Variants in ATXN2 observed in about 807,000 individuals in gnomAD.
ATXN2 encodes ataxin-2.
Under a neutral mutation model 138.6 loss-of-function variants are expected in ATXN2, and 37 were observed. The ratio of observed to expected loss-of-function variants is 0.27; its 90% CI spans 0.21 to 0.35. ATXN2 has a LOEUF of 0.35. Ranked by LOEUF, ATXN2 falls within the 10% of genes least tolerant of loss-of-function variation. The pLI is 1.00. For synonymous variants in ATXN2, 549 were observed against 543.7 expected, an observed-to-expected ratio of 1.01 and a Z score of -0.13; for missense variants, 1,216 against 1,480.3, an observed-to-expected ratio of 0.82 and a Z score of 2.93.
At chr12:111,589,890 G>A (rs750089137) in intron 1 of ATXN2, among the ~76,000 whole-genome samples, 4 of 151,910 alleles carry the variant, frequency 2.6e-5, no homozygotes, top group African/African-American at 9.7e-5. Context: ...CTGCACTCCC[G>A]CCTGGGTGAC....
intron 5 of ATXN2, among the ~76,000 whole-genome samples, chr12:111,534,808 A>AG (rs1367144318): frequency 2.6e-5 from 4 of 152,058 alleles, no homozygotes; most frequent in Non-Finnish European, 5.9e-5. Context: ...ATCTCATCAG[A>AG]GGGAAAAAAA....
intron 1 of ATXN2, among the ~76,000 whole-genome samples, chr12:111,588,490 T>C (rs981825371): frequency 6.6e-6 from 1 of 151,592 alleles, no homozygotes; most frequent in Non-Finnish European, 1.5e-5. Context: ...GGCGAGATGG[T>C]GCGTGCCTGC....
chr12:111,552,403 C>T lies in ATXN2; in HGVS notation c.448G>A (p.Glu150Lys), dbSNP rs1158737026. ...CCCGAACTGGATTCTGTACTTTTCT[C>T]ATGTGCGGCATCAAGTACCAAATCA... is the stretch of plus-strand genomic sequence containing the variant. ...KCDLVLDAAH[E>K]KSTESSSGPK... Residue 150 changes from glutamate (E) to lysine (K), a missense_variant, in exon 5 of 25, where the codon GAG (glutamate) becomes AAG (lysine). By Grantham distance (56) the Glu-to-Lys change is moderately conservative. Around this residue, in one of 4 missense-constraint regions of ATXN2, gnomAD observed 401 missense variants for 528.1 expected, o/e 0.76. Coordinates refer to ENST00000673436, the MANE Select transcript of ATXN2 (RefSeq NM_001372574.1). The surrounding 1 kb of genome is among the most constrained non-coding windows in gnomAD (Gnocchi z 4.1). The T allele has an allele frequency of 1.2e-6, 2 of 1,612,336 alleles. No individual in the cohort carries two copies. The highest frequency in any genetic ancestry group is 1.3e-5 in the African/African-American group (1 of 74,878).
At chr12:111,482,482 C>G (rs117476126) in intron 18 of ATXN2, among the ~76,000 whole-genome samples, 1 of 152,000 alleles carries the variant, frequency 6.6e-6, no homozygotes, top group Non-Finnish European at 1.5e-5. Flanking sequence ...CGTGAGCCAC[C>G]GTGCCCAGAC....
At chr12:111,492,490 T>C (rs965024374) in intron 14 of ATXN2, among the ~76,000 whole-genome samples, 2 of 152,170 alleles carry the variant, frequency 1.3e-5, no homozygotes, top group African/African-American at 4.8e-5. Flanking sequence ...GAGACCAGCC[T>C]GACCAACATG....
At chr12:111,576,085 A>AAATAACATAACATAACATAAC (rs1335091980) in intron 1 of ATXN2, among the ~76,000 whole-genome samples, 1 of 123,390 alleles carries the variant, frequency 8.1e-6, no homozygotes, top group African/African-American at 3.3e-5. Flanking sequence ...TCTGTCTTAA[A>AAATAACATAACATAACATAAC]ATAACATAAC....
chr12:111,553,032 G>A (rs1882200861), intron 3 of ATXN2, 55 bp from the exon 4 acceptor site: 2 of 1,194,810 alleles, frequency 1.7e-6, no homozygotes, highest in Non-Finnish European at 2.3e-6. Flanking sequence ...GGTCACCAGG[G>A]ATATTTGTTT....
chr12:111,521,222 C>T (rs1163005570), intron 6 of ATXN2, among the ~76,000 whole-genome samples: 1 of 152,194 alleles, frequency 6.6e-6, no homozygotes, highest in African/African-American at 2.4e-5. Context: ...TTAATTACTT[C>T]ATAAAATAGC....
rs972163811 is a variant in ATXN2, at chr12:111,520,186, AGAAACT to A, written c.789-116_789-111del. The stretch of plus-strand genomic sequence containing the variant: ...TAGAGTTTAGAATACTGGTAAAAAC[AGAAACT>A]AAAACTAAAACTAAAACTAAAAGTT... On this transcript the variant is annotated intron_variant, in intron 7 of 24. Transcript: ENST00000673436. 12 of 1,342,734 alleles carry A rather than the reference AGAAACT, an allele frequency of 8.9e-6. No homozygotes were observed. The African/African-American group carries it at 1.8e-4, about 20-fold the overall frequency. 83.2% of individuals were successfully genotyped at this position (1,342,734 alleles called of 1,614,324 possible).
intron 14 of ATXN2, among the ~76,000 whole-genome samples, chr12:111,507,565 C>T (rs1314776894): frequency 2.0e-5 from 3 of 150,496 alleles, no homozygotes; most frequent in South Asian, 2.1e-4. Flanking sequence ...CCCAGCCAGC[C>T]GCCCCGTCCG....
At chr12:111,461,592 AAGTGAC>A (rs1375906291) in intron 21 of ATXN2, among the ~76,000 whole-genome samples, 1 of 152,134 alleles carries the variant, frequency 6.6e-6, no homozygotes, top group African/African-American at 2.4e-5. Flanking sequence ...TAGGCCAGTT[AAGTGAC>A]AGTGACACAA....
At chr12:111,492,590 G>C (rs1010071145) in intron 14 of ATXN2, among the ~76,000 whole-genome samples, 1 of 152,072 alleles carries the variant, frequency 6.6e-6, no homozygotes, top group African/African-American at 2.4e-5. Flanking sequence ...GCTGAGGCAG[G>C]AGAATTGCTT....
At chr12:111,566,160 C>T (rs1191881458) in intron 1 of ATXN2, among the ~76,000 whole-genome samples, 1 of 152,074 alleles carries the variant, frequency 6.6e-6, no homozygotes, top group Non-Finnish European at 1.5e-5. Flanking sequence ...CGGCCGGGCG[C>T]GGTGGCTCAC....
chr12:111,580,998 T>C (rs907979439), intron 1 of ATXN2, among the ~76,000 whole-genome samples: 3 of 151,300 alleles, frequency 2.0e-5, no homozygotes, highest in African/African-American at 7.3e-5. Context: ...CCTAGCCGGC[T>C]GTGGTGGCAG....
intron 21 of ATXN2, among the ~76,000 whole-genome samples, chr12:111,459,664 T>A (rs1333644596): frequency 1.3e-5 from 2 of 152,136 alleles, no homozygotes; most frequent in Non-Finnish European, 2.9e-5. Context: ...GGTCTCGAAC[T>A]ACTGGCCTCA....
chr12:111,535,323 G>C (rs948175076), intron 5 of ATXN2, among the ~76,000 whole-genome samples: 1 of 152,114 alleles, frequency 6.6e-6, no homozygotes, highest in Non-Finnish European at 1.5e-5. Flanking sequence ...ATTAAATCCA[G>C]GAGTAAAAGA....
chr12:111,478,493 G>C (rs1317206361), intron 18 of ATXN2, among the ~76,000 whole-genome samples: 3 of 152,148 alleles, frequency 2.0e-5, no homozygotes, highest in Non-Finnish European at 4.4e-5. Flanking sequence ...CACACATGAT[G>C]AGGTGCTCCT....
chr12:111,593,023 G>A (rs140598278), intron 1 of ATXN2, among the ~76,000 whole-genome samples: 1 of 152,056 alleles, frequency 6.6e-6, no homozygotes, highest in African/African-American at 2.4e-5. Flanking sequence ...ACTTTGCTAA[G>A]GTGACAGTTC....
intron 23 of ATXN2, chr12:111,455,037 CTACTTACAAGGTAG>C (rs1322318706): frequency 1.4e-6 from 1 of 702,994 alleles, no homozygotes; most frequent in East Asian, 2.7e-5. Context: ...CTGTGGAACT[CTACTTACAAGGTAG>C]CCTTCTGAGA....
Sources: gnomAD v4.1 joint callset for allele counts (sites outside exome capture counted in the v4.1 genomes callset) on GRCh38, gnomAD v4.1.1 for gene constraint, gnomAD v4.1.1 regional missense constraint, Gnocchi (gnomAD v3.1) non-coding constraint, MANE v1.5 for transcripts, NCBI Gene and HGNC (gene_info 2026-07-23, HGNC 2026-07-21) for gene names.